The following CTNNA2 variants were observed in gnomAD, a reference collection of about 807,000 sequenced individuals.
CTNNA2 encodes the protein catenin alpha-2.
Under a neutral mutation model 101.0 loss-of-function variants are expected in CTNNA2, and 42 were observed. The observed-to-expected ratio is 0.42, with a 90% CI of 0.32 to 0.54. CTNNA2 has a LOEUF of 0.54. Ranked by LOEUF, CTNNA2 falls within the 20% of genes least tolerant of loss-of-function variation. The pLI, the probability that CTNNA2 is intolerant of heterozygous loss-of-function variation, is 0.14. For missense variants in CTNNA2, 871 were observed against 1,223.1 expected, an observed-to-expected ratio of 0.71 and a Z score of 4.29; for synonymous variants, 450 against 456.4, an observed-to-expected ratio of 0.99 and a Z score of 0.18.
chr2:79,859,327 A>G (rs1379342930), intron 4 of CTNNA2, among the ~76,000 whole-genome samples: 3 of 152,096 alleles, frequency 2.0e-5, no homozygotes, highest in South Asian at 4.1e-4. Flanking sequence ...CTCTCACCTC[A>G]CCATTGAGCT....
intron 3 of CTNNA2, among the ~76,000 whole-genome samples, chr2:79,769,505 AT>A (rs1342645133): frequency 6.6e-6 from 1 of 152,174 alleles, no homozygotes; most frequent in Non-Finnish European, 1.5e-5. Flanking sequence ...AAACTTCTGG[AT>A]TATATATACC....
chr2:79,635,624 C>A (rs1679980085), intron 1 of CTNNA2, among the ~76,000 whole-genome samples: 3 of 150,822 alleles, frequency 2.0e-5, no homozygotes. Flanking sequence ...CTGCCTCACC[C>A]TCCCAAGTAG....
At chr2:80,412,115 G>A (rs1019011301) in intron 8 of CTNNA2, among the ~76,000 whole-genome samples, 1 of 152,138 alleles carries the variant, frequency 6.6e-6, no homozygotes, top group Non-Finnish European at 1.5e-5. Context: ...GCCATCTGGA[G>A]ATCCACAATG....
At chr2:80,252,757 A>G (rs1180258816) in intron 7 of CTNNA2, among the ~76,000 whole-genome samples, 1 of 152,166 alleles carries the variant, frequency 6.6e-6, no homozygotes, top group Non-Finnish European at 1.5e-5. Context: ...CGATGATGTT[A>G]TAATAGAAGT....
At position 79,366,826 on chromosome 2, in the gene CTNNA2, G is replaced by A. The variant is rs569350151; in HGVS notation, c.-317-7005G>A. Among the ~76,000 whole-genome samples, 10 of 152,300 alleles carry A rather than the reference G, an allele frequency of 6.6e-5. 1 individual carries two copies. The South Asian group carries it at 1.9e-3, about 28-fold the overall frequency. On this transcript the variant is annotated intron_variant, in intron 3 of 21. Coordinates refer to the CTNNA2 transcript ENST00000466387. The stretch of plus-strand genomic sequence containing the variant: ...CAGGTATTTTCATACTATATAAAAT[G>A]TATAGTATATCAGATATAATTACTG...
chr2:79,434,680 G>T (rs778416465), intron 4 of CTNNA2, among the ~76,000 whole-genome samples: 10 of 152,262 alleles, frequency 6.6e-5, no homozygotes, highest in African/African-American at 1.9e-4. Flanking sequence ...AAGATCATCA[G>T]CCTAGGTCCA....
At chr2:79,305,115 G>T (rs1676203373) in intron 2 of CTNNA2, among the ~76,000 whole-genome samples, 2 of 151,826 alleles carry the variant, frequency 1.3e-5, no homozygotes, top group Non-Finnish European at 2.9e-5. Context: ...GTGCATTTCA[G>T]GTTACTAGTC....
intron 7 of CTNNA2, among the ~76,000 whole-genome samples, chr2:80,384,233 G>A (rs536134725): frequency 1.3e-5 from 2 of 152,210 alleles, no homozygotes; most frequent in South Asian, 4.2e-4. Context: ...TTAGTGTCTA[G>A]TGACAAAATA....
intron 7 of CTNNA2, among the ~76,000 whole-genome samples, chr2:80,004,446 G>A (rs577070801): frequency 3.9e-5 from 6 of 152,206 alleles, no homozygotes; most frequent in African/African-American, 1.4e-4. Context: ...TGTTACAAAT[G>A]TAAATAAGTA....
intron 15 of CTNNA2, among the ~76,000 whole-genome samples, chr2:80,596,010 C>T (rs1049093944): frequency 6.6e-6 from 1 of 152,034 alleles, no homozygotes; most frequent in Non-Finnish European, 1.5e-5. Context: ...GAATGTTTTT[C>T]CATTTGTTTG....
At chr2:79,791,061 A>G (rs1049194243) in intron 3 of CTNNA2, among the ~76,000 whole-genome samples, 3 of 152,186 alleles carry the variant, frequency 2.0e-5, no homozygotes, top group African/African-American at 7.2e-5. Context: ...CTTTTGATTC[A>G]TGGCTTACAA....
intron 7 of CTNNA2, among the ~76,000 whole-genome samples, chr2:79,974,273 A>G (rs2104581781): frequency 6.6e-6 from 1 of 152,284 alleles, no homozygotes; most frequent in East Asian, 1.9e-4. Flanking sequence ...GTGGAGCTAA[A>G]GATAAAGCCC....
intron 1 of CTNNA2, among the ~76,000 whole-genome samples, chr2:79,602,860 T>G (rs1425675945): frequency 6.6e-6 from 1 of 152,082 alleles, no homozygotes; most frequent in Admixed American, 6.5e-5. Context: ...GAGAAATCAA[T>G]ATAGTAAAGA....
At chr2:79,193,319 C>G (rs1673899291) in intron 1 of CTNNA2, among the ~76,000 whole-genome samples, 1 of 152,082 alleles carries the variant, frequency 6.6e-6, no homozygotes, top group Non-Finnish European at 1.5e-5. Flanking sequence ...TGACTGTGGT[C>G]CCATGAGATT....
At chr2:79,328,358 A>G (rs1036946001) in intron 3 of CTNNA2, among the ~76,000 whole-genome samples, 5 of 152,188 alleles carry the variant, frequency 3.3e-5, no homozygotes, top group Non-Finnish European at 7.4e-5. Flanking sequence ...TGTAAGCTAG[A>G]GAAGAAAGTT....
chr2:79,847,895 T>C (rs1048697028), intron 3 of CTNNA2, among the ~76,000 whole-genome samples: 1 of 152,184 alleles, frequency 6.6e-6, no homozygotes, highest in African/African-American at 2.4e-5. Flanking sequence ...TAGATGGAAG[T>C]TGTGGCATTG....
rs143688154 is a variant in CTNNA2, at chr2:79,420,971, A to T, written c.-135+46958A>T. On this transcript the variant is annotated intron_variant, in intron 4 of 21. Transcript: ENST00000466387. ...AAGTAGCATTTTATTTTACATAAAG[A>T]TGAATATCTTTTTGAGCTGATGCAT... Among the ~76,000 whole-genome samples, 655 of 152,274 alleles carry T rather than the reference A, an allele frequency of 4.3e-3. 3 individuals are homozygous for T. The highest frequency in any genetic ancestry group is 7.0e-3 in the Non-Finnish European group (476 of 68,028).
chr2:80,473,056 G>C (rs1685433762), intron 9 of CTNNA2, among the ~76,000 whole-genome samples: 1 of 152,200 alleles, frequency 6.6e-6, no homozygotes, highest in Non-Finnish European at 1.5e-5. Context: ...TACAGTTTAA[G>C]AAAAGAGAAT....
At chr2:80,336,834 T>A (rs979422536) in intron 7 of CTNNA2, among the ~76,000 whole-genome samples, 14 of 152,202 alleles carry the variant, frequency 9.2e-5, no homozygotes, top group African/African-American at 3.1e-4. Flanking sequence ...CTATGCAAGT[T>A]TTAATTCATG....
Sources: gnomAD v4.1 joint callset for allele counts (sites outside exome capture counted in the v4.1 genomes callset) on GRCh38, gnomAD v4.1.1 for gene constraint, MANE v1.5 for transcripts, NCBI Gene and HGNC (gene_info 2026-07-23, HGNC 2026-07-21) for gene names.